The following ABCE1 variants were observed in gnomAD, a reference collection of about 807,000 sequenced individuals.
ABCE1 encodes ATP binding cassette subfamily E member 1.
In ABCE1, 22 loss-of-function variants were observed where a neutral mutation model predicts 83.4. The observed-to-expected ratio is 0.26, with a 90% confidence interval of 0.19 to 0.38. The LOEUF is 0.38. Ranked by LOEUF, ABCE1 falls within the 10% of genes least tolerant of loss-of-function variation. The pLI, the probability that ABCE1 is intolerant of heterozygous loss-of-function variation, is 1.00. For synonymous variants in ABCE1, 204 were observed against 233.7 expected (o/e 0.87, Z 1.16); for missense variants, 330 against 721.9 (o/e 0.46, Z 6.22).
Position 145,129,056 on chromosome 4 carries a change from G to C in ABCE1, c.*1483G>C, listed in dbSNP as rs1749969240. 1 of 152,028 alleles carries C rather than the reference G, an allele frequency of 6.6e-6. No homozygotes were observed. Among genetic ancestry groups the C allele is most frequent in the Non-Finnish European group, 1.5e-5 (1 of 67,990 alleles). The allele number at this position is 152,028 out of a possible 1,614,324, so 9.4% of individuals were successfully genotyped here. The stretch of plus-strand genomic sequence containing the variant: ...TGTGAATATGTAAAGGGTTTGTTTT[G>C]TATACAAATGGGATTATACTAAAAT... On this transcript the variant is annotated 3_prime_UTR_variant, in exon 18 of 18. Coordinates refer to ENST00000296577, the MANE Select transcript of ABCE1 (RefSeq NM_002940.3).
intron 8 of ABCE1, among the ~76,000 whole-genome samples, chr4:145,111,311 C>A (rs1163786930): frequency 6.6e-6 from 1 of 151,954 alleles, no homozygotes; most frequent in Non-Finnish European, 1.5e-5. Context: ...TATATAAAGT[C>A]AGTTATTCAT....
chr4:145,124,435 C>G (rs1435626803), intron 16 of ABCE1, among the ~76,000 whole-genome samples: 1 of 151,248 alleles, frequency 6.6e-6, no homozygotes, highest in Non-Finnish European at 1.5e-5. Context: ...TTTATTTGTT[C>G]ATCTAGTGAT....
At chr4:145,111,530 G>T (rs532759484) in intron 8 of ABCE1, among the ~76,000 whole-genome samples, 1 of 152,078 alleles carries the variant, frequency 6.6e-6, no homozygotes, top group Non-Finnish European at 1.5e-5. Context: ...GTTTCACCAT[G>T]TTAGCCAGGT....
chr4:145,099,228 C>T (rs1749030032), intron 1 of ABCE1, among the ~76,000 whole-genome samples: 1 of 152,150 alleles, frequency 6.6e-6, no homozygotes, highest in South Asian at 2.1e-4. Flanking sequence ...GCCGAATTCC[C>T]ACCTCCCATT....
chr4:145,127,704 A>G lies in ABCE1; in HGVS notation c.*131A>G. On this transcript the variant is annotated 3_prime_UTR_variant, in exon 18 of 18. Coordinates refer to ENST00000296577, the MANE Select transcript of ABCE1 (RefSeq NM_002940.3). ...ACTTGAAGTATAATATACTTAATAT[A>G]ACATAAAAAGCCAGTTGGGTTCTAA... is the stretch of plus-strand genomic sequence containing the variant. The G allele has an allele frequency of 1.6e-6, 1 of 619,994 alleles. No individual in the cohort carries two copies. The highest frequency in any genetic ancestry group is 2.5e-6 in the Non-Finnish European group (1 of 397,212). The allele number at this position is 619,994 out of a possible 1,614,324, so 38.4% of individuals were successfully genotyped here.
chr4:145,119,908 G>T (rs376303183), intron 10 of ABCE1, 24 bp from the exon 11 acceptor site: 2 of 1,575,612 alleles, frequency 1.3e-6, no homozygotes, highest in Non-Finnish European at 1.7e-6. Context: ...GATTTCTCCC[G>T]GTTGACAATT....
At chr4:145,118,009 TA>T (rs969151731) in intron 10 of ABCE1, among the ~76,000 whole-genome samples, 3 of 151,382 alleles carry the variant, frequency 2.0e-5, no homozygotes, top group Non-Finnish European at 3.0e-5. Flanking sequence ...AGTGGCTCCT[TA>T]AAAAAAAGTA....
chr4:145,121,272 C>CA, intron 12 of ABCE1, 39 bp downstream of exon 12: 1 of 1,612,418 alleles, frequency 6.2e-7, no homozygotes, highest in South Asian at 1.1e-5. Context: ...CTCTGTTTTA[C>CA]ACAGTAAACT....
intron 1 of ABCE1, among the ~76,000 whole-genome samples, chr4:145,100,204 A>C (rs1293037897): frequency 6.6e-6 from 1 of 152,184 alleles, no homozygotes; most frequent in African/African-American, 2.4e-5. Context: ...TACTGTAAAA[A>C]TCAAGCCAGG....
chr4:145,104,605 C>G, intron 2 of ABCE1, 90 bp downstream of exon 2: 1 of 801,608 alleles, frequency 1.2e-6, no homozygotes, highest in Non-Finnish European at 1.8e-6. Flanking sequence ...TTAACATAAA[C>G]TTTGTGTTCA....
intron 7 of ABCE1, 42 bp downstream of exon 7, chr4:145,110,486 A>G: frequency 6.3e-7 from 1 of 1,576,962 alleles, no homozygotes; most frequent in Non-Finnish European, 8.7e-7. Flanking sequence ...ATATTTATTT[A>G]TTTTTTGAGA....
In ABCE1 at chr4:145,123,007, T is replaced by G; in HGVS notation, c.1264-14T>G. ...AAAGTTTATCATTTAAATACTTTTT[T>G]ATATTAAAAACAGGGAAGTGTTCGC... On this transcript the variant is annotated splice_polypyrimidine_tract_variant and intron_variant, in intron 13 of 17. Coordinates refer to ENST00000296577, the MANE Select transcript of ABCE1 (RefSeq NM_002940.3). The G allele has an allele frequency of 6.7e-7, 1 of 1,501,850 alleles. No homozygotes were observed. Among genetic ancestry groups the G allele is most frequent in the Non-Finnish European group, 9.0e-7 (1 of 1,107,336 alleles). 93.0% of individuals were successfully genotyped at this position (1,501,850 alleles called of 1,614,324 possible).
intron 3 of ABCE1, among the ~76,000 whole-genome samples, chr4:145,107,761 A>G (rs952796344): frequency 1.3e-5 from 2 of 152,184 alleles, no homozygotes; most frequent in Non-Finnish European, 1.5e-5. Flanking sequence ...GGACTTGAGT[A>G]TGTGCCAATT....
At chr4:145,111,173 T>C in intron 8 of ABCE1, 109 bp downstream of exon 8, 1 of 669,044 alleles carries the variant, frequency 1.5e-6, no homozygotes, top group Non-Finnish European at 2.4e-6. Flanking sequence ...AAATAGTATC[T>C]AAGTTCCTAA....
At position 145,111,042 on chromosome 4, in the gene ABCE1, G is replaced by A. The variant is rs1007884016; in HGVS notation, c.688G>A (p.Val230Ile). The stretch of plus-strand genomic sequence containing the variant: ...GTTGCAGAGATTTGCTTGTGCTGTC[G>A]TTTGCATACAGAAAGCTGATATGTA... ...GELQRFACAVVCIQKADIFMF... is the reference protein window; with the variant it reads ...GELQRFACAVICIQKADIFMF... Residue 230 changes from valine (V) to isoleucine (I), a missense_variant, in exon 8 of 18, where the codon GTT (valine) becomes ATT (isoleucine). By Grantham distance (29) the Val-to-Ile change is conservative (BLOSUM62 3). Transcript: ENST00000296577. The A allele has an allele frequency of 3.1e-6, 5 of 1,611,272 alleles. No homozygotes were observed. The highest frequency in any genetic ancestry group is 3.4e-6 in the Non-Finnish European group (4 of 1,178,798).
At chr4:145,126,740 T>C (rs566556207) in intron 17 of ABCE1, among the ~76,000 whole-genome samples, 1 of 152,336 alleles carries the variant, frequency 6.6e-6, no homozygotes, top group African/African-American at 2.4e-5. Context: ...AGTCCTAGCT[T>C]TGCTGCTAAA....
intron 9 of ABCE1, 113 bp downstream of exon 9, chr4:145,112,441 G>A (rs1579215299): frequency 5.3e-6 from 4 of 761,040 alleles, no homozygotes; most frequent in South Asian, 1.8e-5. Flanking sequence ...TATCTTGGTT[G>A]TTTATAGCTG....
intron 13 of ABCE1, chr4:145,122,311 C>G (rs998530177): frequency 1.3e-5 from 2 of 152,126 alleles, no homozygotes; most frequent in Non-Finnish European, 2.9e-5. Context: ...CAGCCTTATC[C>G]TGAAACAGCA....
chr4:145,104,287 C>T, intron 1 of ABCE1, 99 bp from the exon 2 acceptor site: 1 of 427,552 alleles, frequency 2.3e-6, no homozygotes, highest in Non-Finnish European at 4.1e-6. Flanking sequence ...ATAATCATTT[C>T]ATCTCCATAT....
Sources: allele counts gnomAD v4.1 joint callset (sites outside exome capture counted in the v4.1 genomes callset), GRCh38; gene constraint gnomAD v4.1.1; transcripts MANE v1.5; gene names NCBI Gene and HGNC (gene_info 2026-07-23, HGNC 2026-07-21).